BNC2: variants seen among roughly 807,000 people sequenced by gnomAD.
BNC2 encodes the protein zinc finger protein basonuclin-2.
BNC2 carries 20 observed loss-of-function variants against 76.3 expected under a neutral mutation model. The ratio of observed to expected loss-of-function variants is 0.26; its 90% CI spans 0.18 to 0.38. BNC2 has a LOEUF of 0.38. BNC2 is among the 10% of genes least tolerant of loss of function. BNC2 has a pLI of 1.00. For missense variants in BNC2, 1,382 were observed against 1,399.8 expected (o/e 0.99, Z 0.20); for synonymous variants, 582 against 514.8 (o/e 1.13, Z -1.77).
intron 5 of BNC2, among the ~76,000 whole-genome samples, chr9:16,528,770 G>A (rs1197210975): frequency 6.6e-6 from 1 of 152,104 alleles, no homozygotes; most frequent in Non-Finnish European, 1.5e-5. Context: ...AATAAATTAT[G>A]GTATATCCAC....
At chr9:16,490,392 C>T (rs1822251546) in intron 5 of BNC2, among the ~76,000 whole-genome samples, 2 of 152,136 alleles carry the variant, frequency 1.3e-5, no homozygotes, top group African/African-American at 4.8e-5. Context: ...ATTCAATTAC[C>T]TCCCCCTGGG....
intron 5 of BNC2, among the ~76,000 whole-genome samples, chr9:16,499,839 A>G (rs1279417009): frequency 1.3e-5 from 2 of 151,884 alleles, no homozygotes; most frequent in East Asian, 1.9e-4. Flanking sequence ...CCCTCCCTAA[A>G]TATCTTAAAT....
intron 3 of BNC2, among the ~76,000 whole-genome samples, chr9:16,707,781 A>G (rs1232950103): frequency 6.6e-6 from 1 of 152,104 alleles, no homozygotes; most frequent in East Asian, 1.9e-4. Flanking sequence ...AGCTGGGACT[A>G]CAAGCATGTG....
chr9:16,430,195 GA>G (rs1204045825), intron 6 of BNC2, among the ~76,000 whole-genome samples: 84 of 141,818 alleles, frequency 5.9e-4, no homozygotes, highest in Middle Eastern at 3.7e-3. Context: ...GAGTAGCAGG[GA>G]AAAAAAAAAA....
chr9:16,645,018 T>G (rs975339823), intron 3 of BNC2, among the ~76,000 whole-genome samples: 3 of 152,206 alleles, frequency 2.0e-5, no homozygotes, highest in Admixed American at 6.5e-5. Flanking sequence ...ATGAAGACGC[T>G]ACATTTACAT....
chr9:16,816,312 G>C (rs546956717), intron 1 of BNC2, among the ~76,000 whole-genome samples: 2 of 152,196 alleles, frequency 1.3e-5, no homozygotes, highest in South Asian at 2.1e-4. Context: ...GATTTATGTG[G>C]GAAATCTGAG....
intron 3 of BNC2, among the ~76,000 whole-genome samples, chr9:16,620,947 C>G (rs996505021): frequency 2.0e-5 from 3 of 152,130 alleles, no homozygotes; most frequent in African/African-American, 7.2e-5. Flanking sequence ...GCAGGGAAAC[C>G]TCGACTTTCC....
At chr9:16,637,975 T>G (rs941212073) in intron 3 of BNC2, among the ~76,000 whole-genome samples, 1 of 152,202 alleles carries the variant, frequency 6.6e-6, no homozygotes, top group Non-Finnish European at 1.5e-5. Flanking sequence ...TATACTTAGG[T>G]GTGGCTGATA....
rs144270422 is a variant in BNC2, at chr9:16,855,358, G to C, written c.3+15288C>G. On this transcript the variant is annotated intron_variant, in intron 1 of 6. Transcript: ENST00000380672. ...TAGGATGACAGCTTCTACTTCATCTGTAATACCTATGGCACCTAATAGAGT... is the reference window on the plus strand; with the variant it reads ...TAGGATGACAGCTTCTACTTCATCTCTAATACCTATGGCACCTAATAGAGT... 6.6e-3 allele frequency among the ~76,000 whole-genome samples: 1,010 copies of C among 152,248 alleles called. 10 individuals carry two copies. Among genetic ancestry groups the C allele is most frequent in the African/African-American group, 0.023 (955 of 41,548 alleles).
chr9:16,642,239 G>A (rs1427909893), intron 3 of BNC2, among the ~76,000 whole-genome samples: 1 of 151,968 alleles, frequency 6.6e-6, no homozygotes, highest in Non-Finnish European at 1.5e-5. Context: ...ATTTTTTTAA[G>A]GAAAAGGAGA....
chr9:16,813,398 TG>T (rs1818103699), intron 1 of BNC2, among the ~76,000 whole-genome samples: 1 of 151,392 alleles, frequency 6.6e-6, no homozygotes, highest in Non-Finnish European at 1.5e-5. Flanking sequence ...CCCGAGTAGC[TG>T]GGACTACAGG....
chr9:16,762,982 G>C (rs183454509), intron 1 of BNC2, among the ~76,000 whole-genome samples: 88 of 152,204 alleles, frequency 5.8e-4, no homozygotes, highest in Middle Eastern at 3.4e-3. Flanking sequence ...AAGGAAGAAA[G>C]GTTAAGTGAC....
intron 2 of BNC2, among the ~76,000 whole-genome samples, chr9:16,728,842 T>C (rs940158325): frequency 6.6e-6 from 1 of 152,042 alleles, no homozygotes; most frequent in Non-Finnish European, 1.5e-5. Context: ...GGATGTTAGC[T>C]AATGAGAAAC....
chr9:16,719,646 TC>T (rs1178737435), intron 3 of BNC2, among the ~76,000 whole-genome samples: 16 of 152,364 alleles, frequency 1.1e-4, no homozygotes, highest in African/African-American at 3.8e-4. Context: ...AGAATATGTT[TC>T]AGTCTTGTCA....
intron 1 of BNC2, among the ~76,000 whole-genome samples, chr9:16,800,967 C>G (rs2135749307): frequency 6.6e-6 from 1 of 152,198 alleles, no homozygotes; most frequent in East Asian, 1.9e-4. Flanking sequence ...TAAGTTGTTG[C>G]TAATGTTTTT....
At chr9:16,809,695 T>C (rs1817999411) in intron 1 of BNC2, among the ~76,000 whole-genome samples, 1 of 151,980 alleles carries the variant, frequency 6.6e-6, no homozygotes, top group Admixed American at 6.6e-5. Context: ...GCAGGATTGC[T>C]TGAACTCTGC....
At chr9:16,775,799 C>G (rs79909612) in intron 1 of BNC2, 1 of 161,096 alleles carries the variant, frequency 6.2e-6, no homozygotes, top group East Asian at 1.8e-4. Flanking sequence ...TGAAGCAGGA[C>G]CAAGTATTTT....
At chr9:16,661,569 C>A (rs1365440744) in intron 3 of BNC2, among the ~76,000 whole-genome samples, 2 of 152,146 alleles carry the variant, frequency 1.3e-5, no homozygotes, top group Non-Finnish European at 2.9e-5. Context: ...TCTCTGCACT[C>A]AGGGATTCCC....
At chr9:16,656,558 T>C (rs1821936237) in intron 3 of BNC2, among the ~76,000 whole-genome samples, 1 of 152,152 alleles carries the variant, frequency 6.6e-6, no homozygotes, top group Non-Finnish European at 1.5e-5. Flanking sequence ...TGTCTACAAT[T>C]TGGTGAGTTT....
Sources: allele counts gnomAD v4.1 joint callset (sites outside exome capture counted in the v4.1 genomes callset), GRCh38; gene constraint gnomAD v4.1.1; transcripts MANE v1.5; gene names NCBI Gene and HGNC (gene_info 2026-07-23, HGNC 2026-07-21).